The following PRKCA variants were observed in gnomAD, a reference collection of about 807,000 sequenced individuals.
The protein encoded by PRKCA is protein kinase C alpha type.
A neutral mutation model predicts 87.0 loss-of-function variants in PRKCA; 27 were observed. That is an observed-to-expected ratio of 0.31 (90% CI 0.23 to 0.43). PRKCA has a LOEUF of 0.43. PRKCA is among the 20% of genes least tolerant of loss of function. PRKCA has a pLI of 1.00. For synonymous variants in PRKCA, 329 were observed against 311.1 expected (o/e 1.06, Z -0.61); for missense variants, 518 against 852.3 (o/e 0.61, Z 4.88).
At chr17:66,562,585 G>GTTGT (rs1968746185) in intron 3 of PRKCA, among the ~76,000 whole-genome samples, 1 of 149,058 alleles carries the variant, frequency 6.7e-6, no homozygotes, top group Non-Finnish European at 1.5e-5. Context: ...GCTAAGTTTT[G>GTTGT]TTTTTTTTTG....
intron 3 of PRKCA, among the ~76,000 whole-genome samples, chr17:66,574,552 A>G (rs1315881498): frequency 6.6e-6 from 1 of 152,186 alleles, no homozygotes; most frequent in Non-Finnish European, 1.5e-5. Context: ...GTGGAAGCCT[A>G]AAACTCCAAT....
chr17:66,690,850 A>AC (rs1488571667), intron 8 of PRKCA, among the ~76,000 whole-genome samples: 1 of 148,672 alleles, frequency 6.7e-6, no homozygotes, highest in Non-Finnish European at 1.5e-5. Flanking sequence ...AAAAAAAAAA[A>AC]AATTTAGAGC....
At chr17:66,355,640 A>G (rs1908003231) in intron 2 of PRKCA, among the ~76,000 whole-genome samples, 1 of 152,168 alleles carries the variant, frequency 6.6e-6, no homozygotes, top group African/African-American at 2.4e-5. Flanking sequence ...GGCCCTAAGC[A>G]AGTAATCTTG....
chr17:66,661,572 C>A (rs1024740), intron 5 of PRKCA, among the ~76,000 whole-genome samples: 3 of 152,024 alleles, frequency 2.0e-5, no homozygotes, highest in African/African-American at 2.4e-5. Context: ...ACACGTCAAC[C>A]TGCTCCTGGC....
intron 2 of PRKCA, among the ~76,000 whole-genome samples, chr17:66,476,926 A>G (rs1453346073): frequency 6.6e-6 from 1 of 152,226 alleles, no homozygotes; most frequent in Non-Finnish European, 1.5e-5. Flanking sequence ...CTTCACGTAC[A>G]TCATCCTGTC....
intron 3 of PRKCA, among the ~76,000 whole-genome samples, chr17:66,632,903 G>T (rs1971059757): frequency 6.6e-6 from 1 of 152,130 alleles, no homozygotes; most frequent in Non-Finnish European, 1.5e-5. Context: ...CTGGGCAAAG[G>T]ACTCATAAGA....
intron 3 of PRKCA, among the ~76,000 whole-genome samples, chr17:66,496,660 C>T (rs1201175668): frequency 6.8e-6 from 1 of 147,024 alleles, no homozygotes; most frequent in Non-Finnish European, 1.5e-5. Context: ...CTCCCGTCCT[C>T]TTCGATGGAG....
chr17:66,635,567 C>A (rs1971132061), intron 3 of PRKCA, among the ~76,000 whole-genome samples: 1 of 152,206 alleles, frequency 6.6e-6, no homozygotes, highest in African/African-American at 2.4e-5. Flanking sequence ...TCAGATAAAT[C>A]TTTAGACTCA....
At chr17:66,699,256 T>C (rs1465596979) in intron 8 of PRKCA, among the ~76,000 whole-genome samples, 1 of 151,874 alleles carries the variant, frequency 6.6e-6, no homozygotes, top group Non-Finnish European at 1.5e-5. Context: ...GAGTTGATTT[T>C]TTTGAAAACA....
intron 3 of PRKCA, among the ~76,000 whole-genome samples, chr17:66,544,621 C>T (rs1270177932): frequency 3.3e-5 from 5 of 151,918 alleles, no homozygotes; most frequent in African/African-American, 1.2e-4. Flanking sequence ...TGGAGTGAGT[C>T]TTGCTTTGTC....
chr17:66,310,856 C>T (rs1277474136), intron 2 of PRKCA, among the ~76,000 whole-genome samples: 1 of 152,110 alleles, frequency 6.6e-6, no homozygotes, highest in Non-Finnish European at 1.5e-5. Context: ...GTTGTATGGA[C>T]ACCAAGTACC....
intron 3 of PRKCA, among the ~76,000 whole-genome samples, chr17:66,576,254 C>T (rs1056635616): frequency 8.5e-5 from 13 of 152,194 alleles, no homozygotes; most frequent in Admixed American, 2.0e-4. Context: ...TTCATGTGCG[C>T]GGTTGCTCTA....
chr17:66,511,277 G>A (rs1037947237), intron 3 of PRKCA, among the ~76,000 whole-genome samples: 9 of 152,186 alleles, frequency 5.9e-5, no homozygotes, highest in Admixed American at 5.2e-4. Context: ...GTGATTTTAG[G>A]TTTCTAGATA....
At chr17:66,359,971 C>A (rs1416858005) in intron 2 of PRKCA, among the ~76,000 whole-genome samples, 1 of 152,152 alleles carries the variant, frequency 6.6e-6, no homozygotes, top group Non-Finnish European at 1.5e-5. Context: ...CTGTTTTTAT[C>A]ACTCCTTAAA....
At chr17:66,305,371 C>T (rs898768777) in intron 1 of PRKCA, among the ~76,000 whole-genome samples, 2 of 152,172 alleles carry the variant, frequency 1.3e-5, no homozygotes, top group Admixed American at 6.5e-5. Flanking sequence ...TCTCAACCTT[C>T]CGAAGAAATT....
At chr17:66,577,013 T>A (rs1426824077) in intron 3 of PRKCA, among the ~76,000 whole-genome samples, 1 of 151,968 alleles carries the variant, frequency 6.6e-6, no homozygotes, top group African/African-American at 2.4e-5. Flanking sequence ...TAGCTGGCAC[T>A]GCAGACGATG....
intron 2 of PRKCA, among the ~76,000 whole-genome samples, chr17:66,357,811 C>T (rs917182788): frequency 1.3e-5 from 2 of 152,060 alleles, no homozygotes; most frequent in Non-Finnish European, 2.9e-5. Flanking sequence ...CACTGAATGC[C>T]GTGTCAATAG....
At chr17:66,385,645 T>C (rs2143610610) in intron 2 of PRKCA, among the ~76,000 whole-genome samples, 1 of 152,326 alleles carries the variant, frequency 6.6e-6, no homozygotes, top group South Asian at 2.1e-4. Flanking sequence ...GAGGATTGCT[T>C]GAGCCCAGGA....
At chr17:66,342,498 A>T (rs1907108337) in intron 2 of PRKCA, among the ~76,000 whole-genome samples, 1 of 149,970 alleles carries the variant, frequency 6.7e-6, no homozygotes, top group African/African-American at 2.4e-5. Flanking sequence ...TCAGAGATGG[A>T]GAAAACTTTG....
Sources: allele counts gnomAD v4.1 joint callset (sites outside exome capture counted in the v4.1 genomes callset), GRCh38; gene constraint gnomAD v4.1.1; transcripts MANE v1.5; gene names NCBI Gene and HGNC (gene_info 2026-07-23, HGNC 2026-07-21).